The following EHMT1 variants were observed in gnomAD, a reference collection of about 807,000 sequenced individuals.
The protein encoded by EHMT1 is histone-lysine N-methyltransferase EHMT1.
A neutral mutation model predicts 147.2 loss-of-function variants in EHMT1; 15 were observed. The observed-to-expected ratio is 0.10, with a 90% CI of 0.07 to 0.16. The LOEUF is 0.16. Ranked by LOEUF, EHMT1 falls within the 10% of genes least tolerant of loss-of-function variation. The pLI is 1.00. For missense variants in EHMT1, 1,587 were observed against 1,772.4 expected, an observed-to-expected ratio of 0.90 and a Z score of 1.88; for synonymous variants, 795 against 709.6, an observed-to-expected ratio of 1.12 and a Z score of -1.91.
intron 4 of EHMT1, among the ~76,000 whole-genome samples, chr9:137,737,893 T>TAAATAAATAAATAAAATAAATAAA (rs1460974487): frequency 9.9e-5 from 15 of 152,140 alleles, no homozygotes; most frequent in African/African-American, 3.6e-4. Context: ...AACAACTTGA[T>TAAATAAATAAATAAAATAAATAAA]TAAAAAATCA....
rs1442232666 is a variant in EHMT1, at chr9:137,619,021, C to A, written c.-8C>A. The stretch of plus-strand genomic sequence containing the variant: ...GGGAGGGGCGGGGCCACGCTGCGGG[C>A]CCGGGCCATGGCCGCCGCCGATGCC... On this transcript the variant is annotated 5_prime_UTR_variant, in exon 1 of 27. Transcript: ENST00000460843. The A allele has an allele frequency of 1.4e-5, 14 of 972,232 alleles. No individual in the cohort carries two copies. Among genetic ancestry groups the A allele is most frequent in the Non-Finnish European group, 1.6e-5 (13 of 819,676 alleles). 60.2% of individuals were successfully genotyped at this position (972,232 alleles called of 1,614,324 possible). A position where few individuals can be genotyped will look rare whatever the true frequency, so the allele number is the denominator to read the frequency against.
At chr9:137,672,530 C>T (rs564597560) in intron 1 of EHMT1, among the ~76,000 whole-genome samples, 4 of 152,250 alleles carry the variant, frequency 2.6e-5, no homozygotes, top group African/African-American at 9.6e-5. Flanking sequence ...GGACAAAATC[C>T]CTTTGGGGTA....
chr9:137,762,636 C>A lies in EHMT1; in HGVS notation c.1502-39C>A. On this transcript the variant is annotated intron_variant, in intron 9 of 26. Coordinates refer to ENST00000460843, the MANE Select transcript of EHMT1 (RefSeq NM_024757.5). ...CACTTTCTAGATGTTCTTTTGAGGT[C>A]AGGATTGCATGAGCTGACATGTGTC... is the stretch of plus-strand genomic sequence containing the variant. 1.9e-6 allele frequency: 3 copies of A among 1,613,844 alleles called. No homozygotes were observed. The South Asian group carries it at 3.3e-5, about 18-fold the overall frequency.
intron 9 of EHMT1, among the ~76,000 whole-genome samples, chr9:137,760,591 G>T (rs1042346784): frequency 6.6e-6 from 1 of 152,210 alleles, no homozygotes; most frequent in Non-Finnish European, 1.5e-5. Flanking sequence ...AGCGTGGACC[G>T]TTCACGTGCT....
intron 4 of EHMT1, among the ~76,000 whole-genome samples, chr9:137,739,733 C>T (rs1465087278): frequency 2.0e-5 from 3 of 152,262 alleles, no homozygotes; most frequent in Non-Finnish European, 4.4e-5. Flanking sequence ...CTGGTGACCA[C>T]AGGACATGCC....
intron 7 of EHMT1, among the ~76,000 whole-genome samples, chr9:137,752,852 C>T (rs1949081620): frequency 6.6e-6 from 1 of 152,148 alleles, no homozygotes. Flanking sequence ...TGGGATTCCG[C>T]TGCATCGGCT....
chr9:137,812,871 A>T, intron 19 of EHMT1, 135 bp from the exon 20 acceptor site: 1 of 1,230,988 alleles, frequency 8.1e-7, no homozygotes, highest in Non-Finnish European at 1.2e-6. Flanking sequence ...ATTGCTGAGC[A>T]GACTTGTTCA....
At position 137,813,733 on chromosome 9, in the gene EHMT1, CCT is replaced by C. The variant is rs1193643543; in HGVS notation, c.3180+207_3180+208del. Reference sequence around the variant, plus strand: ...GGTTCTGTCAGGCCCAGCCCTGGGCCCTCTCATTGCTCTTCCAAGGCTTCTTA... The same window carrying C: ...GGTTCTGTCAGGCCCAGCCCTGGGCCCTCATTGCTCTTCCAAGGCTTCTTA... On this transcript the variant is annotated intron_variant, in intron 21 of 26. Coordinates refer to ENST00000460843, the MANE Select transcript of EHMT1 (RefSeq NM_024757.5). This position sits in a 1 kb window ranked among gnomAD's most constrained non-coding sequence, Gnocchi z 4.9. Among the ~76,000 whole-genome samples the C allele has an allele frequency of 1.3e-5, 2 of 152,178 alleles. No homozygotes were observed. The highest frequency in any genetic ancestry group is 1.3e-4 in the Admixed American group (2 of 15,286).
rs71510853 is a variant in EHMT1 at position 137,819,487 on chromosome 9, C to T, written c.3540+1349C>T. On this transcript the variant is annotated intron_variant, in intron 25 of 26. Coordinates refer to ENST00000460843, the MANE Select transcript of EHMT1 (RefSeq NM_024757.5). Reference sequence around the variant, plus strand: ...ACTGAGGGGCGCCGTGTACCGAGACCGTAGAGAGGCCGACTTAGGGGCGCC... The same window carrying T: ...ACTGAGGGGCGCCGTGTACCGAGACTGTAGAGAGGCCGACTTAGGGGCGCC... Among the ~76,000 whole-genome samples the T allele has an allele frequency of 8.0e-3, 16 of 1,988 alleles. 5 individuals are homozygous for T. The African/African-American group carries it at 0.17, about 21-fold the overall frequency. The allele number at this position is 1,988 out of a possible 152,430, so 1.3% of individuals were successfully genotyped here. A position where few individuals can be genotyped will look rare whatever the true frequency, so the allele number is the denominator to read the frequency against.
rs1035124116 is a variant in EHMT1 at position 137,731,523 on chromosome 9, C to T, written c.823+2994C>T. On this transcript the variant is annotated intron_variant, in intron 4 of 26. Transcript: ENST00000460843. The surrounding 1 kb of genome is among the most constrained non-coding windows in gnomAD (Gnocchi z 4.3). ...CCCCGGGGGTGCAGAGTCCACTTAT[C>T]GGGATGGCAGAGAGAGACAAAGGCC... Among the ~76,000 whole-genome samples the T allele has an allele frequency of 2.0e-5, 3 of 152,128 alleles. No individual in the cohort carries two copies. Among genetic ancestry groups the T allele is most frequent in the South Asian group, 2.1e-4 (1 of 4,830 alleles).
Position 137,835,187 on chromosome 9 carries a change from A to G in EHMT1, c.*234A>G. 1 of 420,958 alleles carries G rather than the reference A, an allele frequency of 2.4e-6. No homozygotes were observed. The highest frequency in any genetic ancestry group is 4.2e-5 in the East Asian group (1 of 23,948). The allele number at this position is 420,958 out of a possible 1,614,324, so 26.1% of individuals were successfully genotyped here. A position where few individuals can be genotyped will look rare whatever the true frequency, so the allele number is the denominator to read the frequency against. ...GCCCAGTGCCCAGGCTGGAGCGCACACTTTGGTCCGCGCGCCAGAGACGCT... is the reference window on the plus strand; with the variant it reads ...GCCCAGTGCCCAGGCTGGAGCGCACGCTTTGGTCCGCGCGCCAGAGACGCT... On this transcript the variant is annotated 3_prime_UTR_variant, in exon 27 of 27. Coordinates refer to ENST00000460843, the MANE Select transcript of EHMT1 (RefSeq NM_024757.5).
Position 137,712,132 on chromosome 9 carries a change from C to T in EHMT1, c.85+1102C>T, listed in dbSNP as rs116843520. ...GGTGTTTTCTTCCTGTACTTTGGCC[C>T]CTTCCTGTTGCCGTCCTTTCTGTGT... On this transcript the variant is annotated intron_variant, in intron 2 of 26. Transcript: ENST00000460843. Among the ~76,000 whole-genome samples the T allele has an allele frequency of 2.3e-3, 346 of 152,316 alleles. 1 individual carries two copies. Among genetic ancestry groups the T allele is most frequent in the Non-Finnish European group, 4.2e-3 (283 of 68,028 alleles).
chr9:137,716,573 G>A, intron 2 of EHMT1, 53 bp from the exon 3 acceptor site: 9 of 1,499,670 alleles, frequency 6.0e-6, no homozygotes, highest in Non-Finnish European at 8.0e-6. Flanking sequence ...GGTGGTGGTG[G>A]TGCCATGGAG....
chr9:137,708,845 A>T (rs567485860), intron 1 of EHMT1, among the ~76,000 whole-genome samples: 3 of 152,274 alleles, frequency 2.0e-5, no homozygotes, highest in Admixed American at 2.0e-4. Flanking sequence ...AGTGGCATAC[A>T]TTTTGCCAGT....
At chr9:137,673,325 T>C (rs1589206818) in intron 1 of EHMT1, among the ~76,000 whole-genome samples, 1 of 152,302 alleles carries the variant, frequency 6.6e-6, no homozygotes, top group South Asian at 2.1e-4. Flanking sequence ...ATATTTGTTG[T>C]ATTTCTGATA....
chr9:137,716,773 G>T lies in EHMT1; in HGVS notation c.233G>T (p.Arg78Met), dbSNP rs750735802. ...GCAAAGCACACTCAGGACAGCGCAA[G>T]GGTCAACCCCCAGGATGGCACCAAC... is the stretch of plus-strand genomic sequence containing the variant. ...NAAKHTQDSARVNPQDGTNTL... is the reference protein window; with the variant it reads ...NAAKHTQDSAMVNPQDGTNTL... The change falls in exon 3 of 27, where the codon AGG (arginine) becomes ATG (methionine). Residue 78 changes from arginine to methionine, a missense_variant. Coordinates refer to ENST00000460843, the MANE Select transcript of EHMT1 (RefSeq NM_024757.5). The T allele has an allele frequency of 6.2e-7, 1 of 1,613,042 alleles. No individual in the cohort carries two copies. Among genetic ancestry groups the T allele is most frequent in the East Asian group, 2.2e-5 (1 of 44,884 alleles).
rs1413443727 is a variant in EHMT1 at position 137,798,918 on chromosome 9, C to T, written c.2607+4C>T. ...ACAGATGGACGTCAACTGTCAGGTA[C>T]AGCCACCCCCTCCCCTTAGCAGTAC... On this transcript the variant is annotated splice_donor_region_variant and intron_variant, in intron 17 of 26. Coordinates refer to ENST00000460843, the MANE Select transcript of EHMT1 (RefSeq NM_024757.5). 9.3e-6 allele frequency: 15 copies of T among 1,608,382 alleles called. No homozygotes were observed. Among genetic ancestry groups the T allele is most frequent in the Non-Finnish European group, 1.3e-5 (15 of 1,174,840 alleles).
intron 1 of EHMT1, among the ~76,000 whole-genome samples, chr9:137,643,551 T>C (rs1159985976): frequency 6.6e-6 from 1 of 152,048 alleles, no homozygotes; most frequent in Non-Finnish European, 1.5e-5. Context: ...GGTTTCACCG[T>C]GTTAGCCAAG....
At chr9:137,834,324 C>CCCGTG in intron 25 of EHMT1, 25 bp from the exon 26 acceptor site, 1 of 1,604,376 alleles carries the variant, frequency 6.2e-7, no homozygotes, top group Non-Finnish European at 8.5e-7. Context: ...CTAACTGCAG[C>CCCGTG]CCGTGCCGGC....
Sources: gnomAD v4.1 joint callset for allele counts (sites outside exome capture counted in the v4.1 genomes callset) on GRCh38, gnomAD v4.1.1 for gene constraint, Gnocchi (gnomAD v3.1) non-coding constraint, MANE v1.5 for transcripts, NCBI Gene and HGNC (gene_info 2026-07-23, HGNC 2026-07-21) for gene names.